ERCC8: variants seen among roughly 807,000 people sequenced by gnomAD.
ERCC8 encodes the protein DNA excision repair protein ERCC-8.
A neutral mutation model predicts 54.9 loss-of-function variants in ERCC8; 52 were observed. The observed-to-expected ratio is 0.95, with a 90% CI of 0.76 to 1.19. The LOEUF is 1.19. Among genes scored for constraint, ERCC8 ranks in the 50% most tolerant of loss-of-function variants. The probability of loss-of-function intolerance (pLI) is 0.00; values close to 1 mark genes in which losing one functional copy is unlikely to be tolerated. For missense variants in ERCC8, 514 were observed against 466.1 expected (o/e 1.10, Z -0.95); for synonymous variants, 146 against 157.2 (o/e 0.93, Z 0.53).
At chr5:60,898,229 A>T in intron 9 of ERCC8, 47 bp downstream of exon 9, 1 of 1,575,958 alleles carries the variant, frequency 6.3e-7, no homozygotes, top group Non-Finnish European at 8.7e-7. Flanking sequence ...TATGTCACAG[A>T]TCCATTTCTT....
At chr5:60,881,544 C>G (rs1045276322) in intron 11 of ERCC8, among the ~76,000 whole-genome samples, 2 of 152,338 alleles carry the variant, frequency 1.3e-5, no homozygotes, top group Non-Finnish European at 2.9e-5. Flanking sequence ...TTTACCTACT[C>G]AAGCCTCAGC....
chr5:60,941,413 A>G (rs953426490), intron 1 of ERCC8, among the ~76,000 whole-genome samples: 2 of 152,202 alleles, frequency 1.3e-5, no homozygotes, highest in African/African-American at 4.8e-5. Flanking sequence ...AAAAAGAACA[A>G]AGCCTTAGGG....
At chr5:60,926,290 G>A (rs1025478547) in intron 2 of ERCC8, among the ~76,000 whole-genome samples, 8 of 152,094 alleles carry the variant, frequency 5.3e-5, no homozygotes, top group East Asian at 1.9e-4. Flanking sequence ...ACAAACACAC[G>A]TCTTTCTTCA....
At chr5:60,891,688 CT>C (rs1199071446) in intron 9 of ERCC8, among the ~76,000 whole-genome samples, 1 of 145,420 alleles carries the variant, frequency 6.9e-6, no homozygotes, top group Non-Finnish European at 1.5e-5. Context: ...GCTGATACTT[CT>C]TTTATTTCTG....
At chr5:60,899,239 G>A (rs920858894) in intron 8 of ERCC8, among the ~76,000 whole-genome samples, 4 of 151,924 alleles carry the variant, frequency 2.6e-5, no homozygotes, top group Non-Finnish European at 5.9e-5. Context: ...GATTGCAGCT[G>A]ACTCACATTT....
chr5:60,894,024 G>T (rs1184052640), intron 9 of ERCC8, among the ~76,000 whole-genome samples: 3 of 139,928 alleles, frequency 2.1e-5, no homozygotes, highest in Non-Finnish European at 4.5e-5. Context: ...TTGCTCTGTC[G>T]CCCAGGCTGG....
chr5:60,879,386 T>C (rs1748128224), intron 11 of ERCC8, among the ~76,000 whole-genome samples: 1 of 152,196 alleles, frequency 6.6e-6, no homozygotes, highest in Non-Finnish European at 1.5e-5. Context: ...CTATTAGGTC[T>C]GCTTGGTGCA....
chr5:60,892,548 C>G, intron 9 of ERCC8: 1 of 642,916 alleles, frequency 1.6e-6, no homozygotes, highest in Non-Finnish European at 3.0e-6. Flanking sequence ...GTGTAAGTCT[C>G]TCTTCTTCCC....
In ERCC8 at chr5:60,898,796, A is replaced by G. The variant is rs569675327; in HGVS notation, c.719-396T>C. Among the ~76,000 whole-genome samples, 8 of 4,294 alleles carry G rather than the reference A, an allele frequency of 1.9e-3. No individual in the cohort carries two copies. In the East Asian group the frequency reaches 0.019, roughly 10 times the overall value. The allele number at this position is 4,294 out of a possible 152,430, so 2.8% of individuals were successfully genotyped here. A position where few individuals can be genotyped will look rare whatever the true frequency, so the allele number is the denominator to read the frequency against. ...TCAATAATTCTAGTGTTTTCCATTG[A>G]AAAAAAAAACAGGGAAAGGATGACT... On this transcript the variant is annotated intron_variant, in intron 8 of 11. Transcript: ENST00000676185.
At chr5:60,882,967 GAAAACACACACACACACACAC>G (rs1330001814) in intron 11 of ERCC8, among the ~76,000 whole-genome samples, 1 of 129,496 alleles carries the variant, frequency 7.7e-6, no homozygotes, top group Non-Finnish European at 1.6e-5. Context: ...ATAGCCCTGG[GAAAACACACACACACACACAC>G]ACACACACAC....
At chr5:60,901,162 G>A (rs1748893940) in intron 7 of ERCC8, among the ~76,000 whole-genome samples, 1 of 151,704 alleles carries the variant, frequency 6.6e-6, no homozygotes, top group Non-Finnish European at 1.5e-5. Flanking sequence ...AAAAATATTT[G>A]ATTACTACTT....
chr5:60,942,302 A>G (rs1750283226), intron 1 of ERCC8, among the ~76,000 whole-genome samples: 1 of 152,138 alleles, frequency 6.6e-6, no homozygotes, highest in Admixed American at 6.5e-5. Flanking sequence ...ACTGTTATGC[A>G]TTAACTTCAG....
In ERCC8 at chr5:60,867,322, T is replaced by C. The variant is rs1186919981; in HGVS notation, c.*7293A>G. On this transcript the variant is annotated 3_prime_UTR_variant, in exon 12 of 12. Transcript: ENST00000676185. ...CAGGGTGGAGTGCAGTGGGGCGATC[T>C]CGGCTCACTGCAACCTCCGCCTTCA... is the stretch of plus-strand genomic sequence containing the variant. Among the ~76,000 whole-genome samples the C allele has an allele frequency of 6.6e-6, 1 of 152,008 alleles. No individual in the cohort carries two copies. Among genetic ancestry groups the C allele is most frequent in the Non-Finnish European group, 1.5e-5 (1 of 68,014 alleles).
At chr5:60,898,189 A>C in intron 9 of ERCC8, 87 bp downstream of exon 9, 1 of 1,392,664 alleles carries the variant, frequency 7.2e-7, no homozygotes, top group Non-Finnish European at 1.0e-6. Flanking sequence ...AAAGGGAATA[A>C]ATGAGTTAAA....
At chr5:60,887,994 C>T (rs1267437492) in intron 10 of ERCC8, among the ~76,000 whole-genome samples, 1 of 152,148 alleles carries the variant, frequency 6.6e-6, no homozygotes, top group Non-Finnish European at 1.5e-5. Flanking sequence ...ATGTATATCC[C>T]ATGCCTGTTG....
intron 3 of ERCC8, among the ~76,000 whole-genome samples, chr5:60,920,113 A>T (rs2112520106): frequency 6.6e-6 from 1 of 152,096 alleles, no homozygotes; most frequent in South Asian, 2.1e-4. Flanking sequence ...CGTTGGTGAC[A>T]TATAGCAAAA....
intron 3 of ERCC8, chr5:60,919,394 A>C (rs956686468): frequency 4.6e-5 from 7 of 151,942 alleles, no homozygotes; most frequent in Non-Finnish European, 1.0e-4. Flanking sequence ...AAGTTAACAG[A>C]AGACTTCTGC....
chr5:60,923,667 CAA>C lies in ERCC8; in HGVS notation c.174-1514_174-1513del, dbSNP rs972706691. Among the ~76,000 whole-genome samples, 186 of 151,978 alleles carry C rather than the reference CAA, an allele frequency of 1.2e-3. 1 individual carries two copies. Among genetic ancestry groups the C allele is most frequent in the Non-Finnish European group, 3.2e-4 (22 of 67,928 alleles). On this transcript the variant is annotated intron_variant, in intron 2 of 11. Transcript: ENST00000676185. ...TTAGTATACTTATTTTTTTACAAGA[CAA>C]AATTCTCCTTGAACAAATTCTTTAT...
At position 60,871,393 on chromosome 5, in the gene ERCC8, C is replaced by T. The variant is rs1398332521; in HGVS notation, c.*3222G>A. On this transcript the variant is annotated 3_prime_UTR_variant, in exon 12 of 12. Transcript: ENST00000676185. ...ATCCCAGTTCTGCAAAATAAAAATA[C>T]ATCCCCTATATGTCTGCATAGATAT... 6.6e-6 allele frequency among the ~76,000 whole-genome samples: 1 copy of T among 152,136 alleles called. No homozygotes were observed. The highest frequency in any genetic ancestry group is 1.5e-5 in the Non-Finnish European group (1 of 68,012).
Sources: gnomAD v4.1 joint callset for allele counts (sites outside exome capture counted in the v4.1 genomes callset) on GRCh38, gnomAD v4.1.1 for gene constraint, MANE v1.5 for transcripts, NCBI Gene and HGNC (gene_info 2026-07-23, HGNC 2026-07-21) for gene names.